Variants in METTL25 observed in about 807,000 individuals in gnomAD.
METTL25 encodes probable methyltransferase-like protein 25.
A neutral mutation model predicts 71.6 loss-of-function variants in METTL25; 64 were observed. That is an observed-to-expected ratio of 0.89 (90% CI 0.73 to 1.10). The LOEUF is 1.10. Among genes scored for constraint, METTL25 ranks in the 50% least tolerant of loss-of-function variants. The probability of loss-of-function intolerance (pLI) is 0.00; values close to 1 mark genes in which losing one functional copy is unlikely to be tolerated. For synonymous variants in METTL25, 287 were observed against 250.3 expected (o/e 1.15, Z -1.38); for missense variants, 807 against 707.0 (o/e 1.14, Z -1.60).
intron 1 of METTL25, among the ~76,000 whole-genome samples, chr12:82,377,975 A>C (rs1884047018): frequency 6.6e-6 from 1 of 152,196 alleles, no homozygotes; most frequent in African/African-American, 2.4e-5. Flanking sequence ...GTTTGAATTC[A>C]TCTTGATTTA....
chr12:82,466,720 G>T (rs1314866590), intron 9 of METTL25, among the ~76,000 whole-genome samples: 2 of 151,894 alleles, frequency 1.3e-5, no homozygotes, highest in African/African-American at 4.8e-5. Context: ...CTGGATTGAG[G>T]TCCATCTGTC....
rs529074584 is a variant in METTL25 at position 82,404,418 on chromosome 12, A to C, written c.1279+1288A>C. ...TACCCACATATTTACATTATATTATAGTATTTTTATGTATCTTTTCTGAAA... is the reference window on the plus strand; with the variant it reads ...TACCCACATATTTACATTATATTATCGTATTTTTATGTATCTTTTCTGAAA... On this transcript the variant is annotated intron_variant, in intron 5 of 11. Transcript: ENST00000248306. 1.1e-4 allele frequency among the ~76,000 whole-genome samples: 16 copies of C among 152,308 alleles called. No individual in the cohort carries two copies. The East Asian group carries it at 3.1e-3, about 29-fold the overall frequency.
intron 1 of METTL25, among the ~76,000 whole-genome samples, chr12:82,373,424 C>T (rs954700189): frequency 1.3e-5 from 2 of 152,026 alleles, no homozygotes; most frequent in African/African-American, 4.8e-5. Flanking sequence ...TTGGTGAGCC[C>T]GGGTGCCTAA....
chr12:82,360,848 A>G lies in METTL25; in HGVS notation c.259+2024A>G, dbSNP rs113352463. On this transcript the variant is annotated intron_variant, in intron 1 of 11. Coordinates refer to ENST00000248306, the MANE Select transcript of METTL25 (RefSeq NM_032230.3). The stretch of plus-strand genomic sequence containing the variant: ...TATAGTTCTTAAAGGCGGCGTGTCC[A>G]GAGTTTGTTCCTTCTGATGTTTGGA... 3.9e-3 allele frequency among the ~76,000 whole-genome samples: 594 copies of G among 152,298 alleles called. 3 individuals are homozygous for G. The highest frequency in any genetic ancestry group is 0.014 in the African/African-American group (567 of 41,534).
At chr12:82,423,635 T>C (rs921348871) in intron 5 of METTL25, among the ~76,000 whole-genome samples, 8 of 152,102 alleles carry the variant, frequency 5.3e-5, no homozygotes, top group Non-Finnish European at 1.0e-4. Context: ...ATTTTTGCAA[T>C]CTACTCATCT....
chr12:82,454,429 G>A (rs971259137), intron 8 of METTL25, among the ~76,000 whole-genome samples: 4 of 152,124 alleles, frequency 2.6e-5, no homozygotes, highest in Middle Eastern at 3.4e-3. Context: ...GTGTTATAAA[G>A]AGATGAAGTA....
At chr12:82,372,958 G>A (rs1287506640) in intron 1 of METTL25, among the ~76,000 whole-genome samples, 1 of 152,176 alleles carries the variant, frequency 6.6e-6, no homozygotes, top group Non-Finnish European at 1.5e-5. Flanking sequence ...AGAAACACTA[G>A]TTTTCCTTCT....
chr12:82,362,796 C>T (rs963512243), intron 1 of METTL25, among the ~76,000 whole-genome samples: 4 of 152,150 alleles, frequency 2.6e-5, no homozygotes, highest in African/African-American at 9.7e-5. Context: ...TAAAATAGTC[C>T]AGGGACATTT....
chr12:82,465,625 T>A (rs1892181430), intron 9 of METTL25, among the ~76,000 whole-genome samples: 1 of 151,896 alleles, frequency 6.6e-6, no homozygotes, highest in Non-Finnish European at 1.5e-5. Flanking sequence ...GTATAATGAG[T>A]TAGTAAGAAT....
intron 8 of METTL25, among the ~76,000 whole-genome samples, chr12:82,454,422 T>A (rs752608520): frequency 6.6e-6 from 1 of 152,040 alleles, no homozygotes; most frequent in African/African-American, 2.4e-5. Flanking sequence ...GGAGGCAGTG[T>A]TATAAAGAGA....
Position 82,386,957 on chromosome 12 carries a change from C to T in METTL25, c.414C>T (p.Asn138=). Residue 138 remains asparagine (N), a synonymous_variant, in exon 2 of 12, where the codon AAC becomes AAT. Transcript: ENST00000248306. ...QLLVALRGNQ[N]QRIGENQKAV... ...TTGTAGCCCTTCGAGGAAATCAAAA[C>T]CAGAGAATTGGTATGTCTATTTATG... The T allele has an allele frequency of 1.2e-6, 2 of 1,612,202 alleles. No homozygotes were observed. The highest frequency in any genetic ancestry group is 2.2e-5 in the South Asian group (2 of 90,942).
chr12:82,366,821 G>T lies in METTL25; in HGVS notation c.259+7997G>T, dbSNP rs1402019448. On this transcript the variant is annotated intron_variant, in intron 1 of 11. Transcript: ENST00000248306. ...ATTCACTTTCCTTATATATTTTTCT[G>T]AATTCCATTTTCTCTTTTTCAGTTT... Among the ~76,000 whole-genome samples, 4 of 152,038 alleles carry T rather than the reference G, an allele frequency of 2.6e-5. No homozygotes were observed. The East Asian group carries it at 5.8e-4, about 22-fold the overall frequency.
At chr12:82,475,300 T>G (rs1299559204) in intron 9 of METTL25, among the ~76,000 whole-genome samples, 1 of 152,128 alleles carries the variant, frequency 6.6e-6, no homozygotes, top group African/African-American at 2.4e-5. Context: ...AATATATTCT[T>G]CTACAAAAGT....
intron 9 of METTL25, among the ~76,000 whole-genome samples, chr12:82,462,745 C>A (rs1891968842): frequency 6.6e-6 from 1 of 152,038 alleles, no homozygotes; most frequent in South Asian, 2.1e-4. Context: ...CCTTGCTATC[C>A]TCAGGGGATT....
intron 1 of METTL25, among the ~76,000 whole-genome samples, chr12:82,377,871 C>T (rs1884034673): frequency 6.6e-6 from 1 of 152,160 alleles, no homozygotes; most frequent in Non-Finnish European, 1.5e-5. Context: ...ATTCACAAAA[C>T]TTTACATACA....
chr12:82,445,534 C>G (rs1371035577), intron 8 of METTL25, among the ~76,000 whole-genome samples: 2 of 152,084 alleles, frequency 1.3e-5, no homozygotes, highest in Non-Finnish European at 2.9e-5. Flanking sequence ...GTTTGTTTCT[C>G]CAGTGGACTG....
At chr12:82,414,483 C>T (rs563088134) in intron 5 of METTL25, among the ~76,000 whole-genome samples, 2 of 151,928 alleles carry the variant, frequency 1.3e-5, no homozygotes, top group South Asian at 2.1e-4. Flanking sequence ...TTATTTTTTG[C>T]GACTAATAGA....
intron 9 of METTL25, among the ~76,000 whole-genome samples, chr12:82,457,045 A>T (rs140871830): frequency 3.3e-4 from 50 of 152,072 alleles, no homozygotes; most frequent in Non-Finnish European, 5.2e-4. Context: ...TTTTAGTTCG[A>T]GTTAAAAATG....
At chr12:82,378,143 C>T (rs1165363192) in intron 1 of METTL25, among the ~76,000 whole-genome samples, 3 of 152,134 alleles carry the variant, frequency 2.0e-5, no homozygotes, top group African/African-American at 7.2e-5. Flanking sequence ...CAGGTTCAGC[C>T]ACAGAGTATC....
Sources: gnomAD v4.1 joint callset for allele counts (sites outside exome capture counted in the v4.1 genomes callset) on GRCh38, gnomAD v4.1.1 for gene constraint, MANE v1.5 for transcripts, NCBI Gene and HGNC (gene_info 2026-07-23, HGNC 2026-07-21) for gene names.